The following PRMT7 variants were observed in gnomAD, a reference collection of about 807,000 sequenced individuals.
The protein encoded by PRMT7 is protein arginine methyltransferase 7, also known as protein arginine N-methyltransferase 7.
A neutral mutation model predicts 85.4 loss-of-function variants in PRMT7; 75 were observed. That is an observed-to-expected ratio of 0.88 (90% CI 0.73 to 1.06). The LOEUF is 1.06. Among genes scored for constraint, PRMT7 ranks in the 50% least tolerant of loss-of-function variants. The pLI, the probability that PRMT7 is intolerant of heterozygous loss-of-function variation, is 0.00. For synonymous variants in PRMT7, 397 were observed against 359.5 expected, an observed-to-expected ratio of 1.10 and a Z score of -1.18; for missense variants, 868 against 915.2, an observed-to-expected ratio of 0.95 and a Z score of 0.67.
At chr16:68,353,453 T>G in intron 15 of PRMT7, 39 bp from the exon 16 acceptor site, 1 of 1,609,792 alleles carries the variant, frequency 6.2e-7, no homozygotes, top group East Asian at 2.2e-5. Flanking sequence ...CCCTGTGTCC[T>G]GGCGGGCGGG....
At position 68,335,420 on chromosome 16, in the gene PRMT7, G is replaced by A. The variant is rs114385826; in HGVS notation, c.392-2039G>A. ...AGCAGGCGTGTTAGCTGGGGTGGGT[G>A]GGATGAGTTTTGGACAGTGTATTCC... On this transcript the variant is annotated intron_variant, in intron 6 of 18. Coordinates refer to ENST00000441236, the MANE Select transcript of PRMT7 (RefSeq NM_019023.5). 4.6e-3 allele frequency among the ~76,000 whole-genome samples: 694 copies of A among 152,140 alleles called. 3 individuals are homozygous for A. Among genetic ancestry groups the A allele is most frequent in the African/African-American group, 0.016 (664 of 41,488 alleles).
rs747302882 is a variant in PRMT7, at chr16:68,329,155, C to T, written c.372C>T (p.Thr124=). 1.6e-5 allele frequency: 26 copies of T among 1,601,346 alleles called. No individual in the cohort carries two copies. Among genetic ancestry groups the T allele is most frequent in the Admixed American group, 1.3e-4 (8 of 59,964 alleles). ...DKIKVINKHS[T]EVTVGPEGDM... is the part of the protein sequence containing the mutation. ...TTAAGGTTATCAACAAGCATTCCAC[C>T]GAGGTGACTGTAGGTCCAGGTGAGA... is the stretch of plus-strand genomic sequence containing the variant. The change falls in exon 6 of 19, where the codon ACC becomes ACT. Residue 124 remains threonine, a synonymous_variant. Transcript: ENST00000441236.
intron 14 of PRMT7, among the ~76,000 whole-genome samples, chr16:68,350,813 C>T (rs2087209067): frequency 2.0e-5 from 3 of 152,230 alleles, no homozygotes. Flanking sequence ...TGAATGGAAT[C>T]AGACAAGTGT....
intron 9 of PRMT7, among the ~76,000 whole-genome samples, chr16:68,342,809 C>T (rs943025229): frequency 6.6e-5 from 10 of 152,314 alleles, no homozygotes; most frequent in East Asian, 1.9e-4. Context: ...CATCCCTCTG[C>T]AGGCTGTGTG....
intron 2 of PRMT7, among the ~76,000 whole-genome samples, chr16:68,313,425 T>C (rs2044232981): frequency 3.3e-5 from 5 of 152,214 alleles, no homozygotes; most frequent in African/African-American, 1.2e-4. Context: ...ATGGATCCTA[T>C]TGATATGTTT....
At chr16:68,359,050 G>T (rs1470644146), downstream of PRMT7, 1 of 152,680 alleles carries the variant, frequency 6.5e-6, no homozygotes, top group Non-Finnish European at 1.5e-5. Context: ...CGCCTGTGAG[G>T]TGGGAGGGGA....
chr16:68,334,063 G>A (rs970239037), intron 6 of PRMT7, among the ~76,000 whole-genome samples: 4 of 152,280 alleles, frequency 2.6e-5, no homozygotes, highest in South Asian at 2.1e-4. Context: ...GAACCACCAC[G>A]CCTGGCCAAT....
chr16:68,338,012 A>G (rs772752268), intron 7 of PRMT7, among the ~76,000 whole-genome samples: 3 of 152,102 alleles, frequency 2.0e-5, no homozygotes, highest in Non-Finnish European at 4.4e-5. Context: ...AACTGAGGCT[A>G]GAGAGCTGGG....
At chr16:68,327,962 T>A (rs894641400) in intron 5 of PRMT7, 16 of 154,968 alleles carry the variant, frequency 1.0e-4, no homozygotes, top group African/African-American at 3.9e-4. Flanking sequence ...AAATGGAAAA[T>A]TCCAGAAATT....
chr16:68,326,517 AT>A (rs1201814060), intron 5 of PRMT7, among the ~76,000 whole-genome samples: 1 of 152,196 alleles, frequency 6.6e-6, no homozygotes, highest in Non-Finnish European at 1.5e-5. Context: ...AAGTGTTGGG[AT>A]TACAGGTGTG....
rs551855464 is a variant in PRMT7 at position 68,358,166 on chromosome 16, C to T, written c.*942C>T. ...AAGGTGAGGCTTGTGCCAGGCCAGC[C>T]GAGCCGCCTGTATGAGCAGAGTTCC... On this transcript the variant is annotated 3_prime_UTR_variant, in exon 19 of 19. Coordinates refer to ENST00000441236, the MANE Select transcript of PRMT7 (RefSeq NM_019023.5). The T allele has an allele frequency of 3.9e-5, 6 of 152,414 alleles. No individual in the cohort carries two copies. In the East Asian group the frequency reaches 5.8e-4, roughly 15 times the overall value. The allele number at this position is 152,414 out of a possible 1,614,324, so 9.4% of individuals were successfully genotyped here.
At chr16:68,354,489 T>A (rs3785125) in intron 16 of PRMT7, 84,433 of 152,200 alleles carry the variant, frequency 0.55, 23,815 homozygotes, top group East Asian at 0.79. Flanking sequence ...CTTTCTGCTC[T>A]CATTTTCCCA....
At chr16:68,320,822 G>C (rs1033585566) in intron 3 of PRMT7, among the ~76,000 whole-genome samples, 3 of 152,166 alleles carry the variant, frequency 2.0e-5, no homozygotes, top group Admixed American at 6.6e-5. Context: ...AAAGTGGCCA[G>C]GTGCAGCGAC....
intron 5 of PRMT7, 42 bp from the exon 6 acceptor site, chr16:68,329,024 T>A: frequency 7.1e-7 from 1 of 1,410,548 alleles, no homozygotes; most frequent in Non-Finnish European, 1.0e-6. Context: ...TACTGTTTAA[T>A]TTATTGCTCA....
Position 68,355,759 on chromosome 16 carries a change from C to T in PRMT7, c.1687C>T (p.Pro563Ser), listed in dbSNP as rs1369163333. The T allele has an allele frequency of 2.5e-6, 4 of 1,609,480 alleles. No homozygotes were observed. The highest frequency in any genetic ancestry group is 3.4e-6 in the Non-Finnish European group (4 of 1,177,862). The change falls in exon 17 of 19, where the codon CCC becomes TCC. Residue 563 changes from proline (P) to serine (S), a missense_variant. Coordinates refer to ENST00000441236, the MANE Select transcript of PRMT7 (RefSeq NM_019023.5). Reference protein sequence around the residue: ...LDFRESREAEPHPLWEYPCRS... With the variant: ...LDFRESREAESHPLWEYPCRS... ...CTTCAGGGAGAGCAGGGAAGCTGAG[C>T]CCCACCCGCTGTGGGAGTACCCATG...
chr16:68,357,500 C>T lies in PRMT7; in HGVS notation c.*276C>T. 1 of 390,376 alleles carries T rather than the reference C, an allele frequency of 2.6e-6. No individual in the cohort carries two copies. 24.2% of individuals were successfully genotyped at this position (390,376 alleles called of 1,614,324 possible). A position where few individuals can be genotyped will look rare whatever the true frequency, so the allele number is the denominator to read the frequency against. Reference sequence around the variant, plus strand: ...TTCTGAGGTGCTGAGAATGCTCCAACACAGAGACATCTCTCCCCAGCTGGG... The same window carrying T: ...TTCTGAGGTGCTGAGAATGCTCCAATACAGAGACATCTCTCCCCAGCTGGG... On this transcript the variant is annotated 3_prime_UTR_variant, in exon 19 of 19. Transcript: ENST00000441236.
intron 16 of PRMT7, chr16:68,355,025 C>CGG (rs2088110164): frequency 6.5e-6 from 1 of 152,712 alleles, no homozygotes; most frequent in African/African-American, 2.4e-5. Flanking sequence ...AGGCTGTCCC[C>CGG]TGACTGCTGC....
chr16:68,313,318 A>G (rs75706222), intron 2 of PRMT7, among the ~76,000 whole-genome samples: 18 of 152,304 alleles, frequency 1.2e-4, no homozygotes, highest in African/African-American at 4.3e-4. Flanking sequence ...CCCAGTCATC[A>G]CGCTTATGAA....
rs1567718439 is a variant in PRMT7 at position 68,346,281 on chromosome 16, G to A, written c.1191+1G>A. The A allele has an allele frequency of 6.2e-6, 10 of 1,614,162 alleles. No homozygotes were observed. The highest frequency in any genetic ancestry group is 2.2e-5 in the East Asian group (1 of 44,886). On this transcript the variant is annotated splice_donor_variant, in intron 11 of 18. Transcript: ENST00000441236. LOFTEE classifies it high-confidence loss of function. ...TCGATACGTCCAGGCTCTGAGGACC[G>A]TAAGTGTCCAGCCCCTTGGCTTGTT... is the stretch of plus-strand genomic sequence containing the variant.
Sources: gnomAD v4.1 joint callset for allele counts (sites outside exome capture counted in the v4.1 genomes callset) on GRCh38, gnomAD v4.1.1 for gene constraint, MANE v1.5 for transcripts, NCBI Gene and HGNC (gene_info 2026-07-23, HGNC 2026-07-21) for gene names.